Variants in ERI3 observed in about 807,000 individuals in gnomAD.
The protein encoded by ERI3 is ERI1 exoribonuclease family member 3.
In ERI3, 18 loss-of-function variants were observed where a neutral mutation model predicts 44.4. The ratio of observed to expected loss-of-function variants is 0.41; its 90% CI spans 0.28 to 0.60. The LOEUF is 0.60. ERI3 is among the 20% of genes least tolerant of loss of function. The pLI, the probability that ERI3 is intolerant of heterozygous loss-of-function variation, is 0.36. For synonymous variants in ERI3, 183 were observed against 164.8 expected (o/e 1.11, Z -0.84); for missense variants, 294 against 435.5 (o/e 0.68, Z 2.89).
At chr1:44,250,530 A>C (rs1462504664) in intron 7 of ERI3, among the ~76,000 whole-genome samples, 1 of 152,198 alleles carries the variant, frequency 6.6e-6, no homozygotes, top group African/African-American at 2.4e-5. Context: ...CAGGAAAGCG[A>C]AGGTGCCAGG....
intron 6 of ERI3, among the ~76,000 whole-genome samples, chr1:44,305,673 C>G (rs1049474770): frequency 1.3e-5 from 2 of 152,162 alleles, no homozygotes; most frequent in Admixed American, 6.5e-5. Context: ...GGGATTTATG[C>G]TGCCACTTCA....
At chr1:44,297,308 A>C (rs1223912593) in intron 6 of ERI3, among the ~76,000 whole-genome samples, 3 of 151,960 alleles carry the variant, frequency 2.0e-5, no homozygotes, top group Admixed American at 1.3e-4. Flanking sequence ...AGAGTCCACA[A>C]ATCATTCAGG....
rs531744115 is a variant in ERI3 at position 44,343,406 on chromosome 1, C to G, written c.212-4084G>C. Among the ~76,000 whole-genome samples the G allele has an allele frequency of 5.9e-5, 9 of 152,162 alleles. No homozygotes were observed. The South Asian group carries it at 1.9e-3, about 32-fold the overall frequency. On this transcript the variant is annotated intron_variant, in intron 2 of 8. Transcript: ENST00000372257. ...ATCAAGTGATCAAAGTGAACATTAT[C>G]AATAATGGGATAAATCAAAATCACA...
In ERI3 at chr1:44,248,055, A is replaced by C; in HGVS notation, c.832-17T>G. 1 of 1,604,790 alleles carries C rather than the reference A, an allele frequency of 6.2e-7. No homozygotes were observed. On this transcript the variant is annotated splice_polypyrimidine_tract_variant and intron_variant, in intron 7 of 8. Coordinates refer to ENST00000372257, the MANE Select transcript of ERI3 (RefSeq NM_024066.3). The stretch of plus-strand genomic sequence containing the variant: ...GCTGTAAGCCTGGAAGACAGGAGGC[A>C]AGTGGTTAACGGAGGCCCTGACCCT...
chr1:44,266,602 G>C (rs1644995241), intron 7 of ERI3, among the ~76,000 whole-genome samples: 1 of 152,230 alleles, frequency 6.6e-6, no homozygotes, highest in South Asian at 2.1e-4. Flanking sequence ...GTGACGGCTA[G>C]GATTTTGTCT....
At chr1:44,324,476 CTTTTT>C (rs35475844) in intron 3 of ERI3, among the ~76,000 whole-genome samples, 2 of 90,430 alleles carry the variant, frequency 2.2e-5, no homozygotes, top group Non-Finnish European at 4.1e-5. Context: ...AACATAGACT[CTTTTT>C]TTTTTTTTTT....
intron 3 of ERI3, among the ~76,000 whole-genome samples, chr1:44,333,645 C>T (rs891917942): frequency 5.3e-5 from 8 of 152,166 alleles, no homozygotes; most frequent in South Asian, 2.1e-4. Flanking sequence ...CAGCCTCGAA[C>T]GAAGGAGAAA....
In ERI3 at chr1:44,252,685, A is replaced by G. The variant is rs1644707201; in HGVS notation, c.832-4647T>C. Among the ~76,000 whole-genome samples, 1 of 152,228 alleles carries G rather than the reference A, an allele frequency of 6.6e-6. No individual in the cohort carries two copies. The highest frequency in any genetic ancestry group is 2.4e-5 in the African/African-American group (1 of 41,458). ...GTGTATTGGGTTTAATAGATGAAGT[A>G]GCCCTCATCGGCTGCAGCATCAGAT... On this transcript the variant is annotated intron_variant, in intron 7 of 8. Coordinates refer to ENST00000372257, the MANE Select transcript of ERI3 (RefSeq NM_024066.3). This position sits in a 1 kb window ranked among gnomAD's most constrained non-coding sequence, Gnocchi z 4.7.
At chr1:44,334,761 C>A (rs1646499275) in intron 3 of ERI3, among the ~76,000 whole-genome samples, 1 of 152,204 alleles carries the variant, frequency 6.6e-6, no homozygotes, top group Non-Finnish European at 1.5e-5. Context: ...AAACTGATGA[C>A]AAATGGAAAA....
chr1:44,354,686 A>AC (rs1646962056), intron 1 of ERI3: 2 of 984,968 alleles, frequency 2.0e-6, no homozygotes, highest in Non-Finnish European at 2.4e-6. Flanking sequence ...CAGTAAGTCA[A>AC]CCCCCTTAAT....
intron 8 of ERI3, among the ~76,000 whole-genome samples, chr1:44,242,635 A>G (rs1644463205): frequency 6.6e-6 from 1 of 152,112 alleles, no homozygotes; most frequent in African/African-American, 2.4e-5. Flanking sequence ...GAGGGGCTTG[A>G]GGCTTCCCAG....
chr1:44,221,450 T>C lies in ERI3; in HGVS notation c.*108A>G. On this transcript the variant is annotated 3_prime_UTR_variant, in exon 9 of 9. Transcript: ENST00000372257. The surrounding 1 kb of genome is among the most constrained non-coding windows in gnomAD (Gnocchi z 5.9). ...GCCCACAGGGCAGCTGGGGACACTC[T>C]GGACACAGAGCTATGCCACTCTCCC... 3 of 948,098 alleles carry C rather than the reference T, an allele frequency of 3.2e-6. No homozygotes were observed. Among genetic ancestry groups the C allele is most frequent in the Non-Finnish European group, 4.9e-6 (3 of 607,040 alleles). The allele number at this position is 948,098 out of a possible 1,614,324, so 58.7% of individuals were successfully genotyped here.
chr1:44,248,027 G>T lies in ERI3; in HGVS notation c.843C>A (p.Phe281Leu). The T allele has an allele frequency of 6.2e-7, 1 of 1,611,216 alleles. No individual in the cohort carries two copies. Among genetic ancestry groups the T allele is most frequent in the South Asian group, 1.1e-5 (1 of 90,336 alleles). ...QWINLKKAYS[F>L]AMGCWPKNGL... Reference sequence around the variant, plus strand: ...CATTCTTGGGCCAGCAGCCCATGGCGAAGCTGTAAGCCTGGAAGACAGGAG... The same window carrying T: ...CATTCTTGGGCCAGCAGCCCATGGCTAAGCTGTAAGCCTGGAAGACAGGAG... The change falls in exon 8 of 9, where the codon TTC (phenylalanine) becomes TTA (leucine). Residue 281 changes from phenylalanine (F) to leucine (L), a missense_variant. Around this residue, in one of 2 missense-constraint regions of ERI3, gnomAD observed 187 missense variants for 338.6 expected, o/e 0.55. Transcript: ENST00000372257.
At chr1:44,278,033 A>G in intron 7 of ERI3, among the ~76,000 whole-genome samples, 1 of 152,318 alleles carries the variant, frequency 6.6e-6, no homozygotes, top group East Asian at 1.9e-4. Context: ...TTAATAATAT[A>G]TTTTATTTTA....
intron 6 of ERI3, among the ~76,000 whole-genome samples, chr1:44,297,093 C>A (rs532478778): frequency 4.1e-4 from 62 of 152,240 alleles, no homozygotes; most frequent in African/African-American, 1.3e-3. Flanking sequence ...AGAAAGAAAT[C>A]GCAGAGAAAA....
chr1:44,244,946 C>T (rs1465624251), intron 8 of ERI3, among the ~76,000 whole-genome samples: 2 of 152,108 alleles, frequency 1.3e-5, no homozygotes. Context: ...AGCACCCTTG[C>T]CTGGAAGCCA....
chr1:44,313,105 GGGGA>G, intron 5 of ERI3, 60 bp downstream of exon 5: 1 of 1,360,724 alleles, frequency 7.3e-7, no homozygotes, highest in African/African-American at 1.4e-5. Context: ...ATTCTCAGGA[GGGGA>G]GGGAGAGAAA....
chr1:44,344,440 T>C (rs1646745918), intron 2 of ERI3, among the ~76,000 whole-genome samples: 1 of 152,074 alleles, frequency 6.6e-6, no homozygotes, highest in Non-Finnish European at 1.5e-5. Flanking sequence ...GCCCAAACAG[T>C]ATCTCTATCC....
intron 8 of ERI3, among the ~76,000 whole-genome samples, chr1:44,245,768 C>A (rs1391847808): frequency 6.6e-6 from 1 of 152,126 alleles, no homozygotes; most frequent in Non-Finnish European, 1.5e-5. Context: ...AACCCCTTCT[C>A]ACACACACAC....
Sources: gnomAD v4.1 joint callset for allele counts (sites outside exome capture counted in the v4.1 genomes callset) on GRCh38, gnomAD v4.1.1 for gene constraint, gnomAD v4.1.1 regional missense constraint, Gnocchi (gnomAD v3.1) non-coding constraint, MANE v1.5 for transcripts, NCBI Gene and HGNC (gene_info 2026-07-23, HGNC 2026-07-21) for gene names.